The following SNTG1 variants were observed in gnomAD, a reference collection of about 807,000 sequenced individuals.
SNTG1 encodes syntrophin gamma 1, also known as gamma-1-syntrophin.
Under a neutral mutation model 74.7 loss-of-function variants are expected in SNTG1, and 39 were observed. The ratio of observed to expected loss-of-function variants is 0.52; its 90% CI spans 0.40 to 0.68. The LOEUF (loss-of-function observed/expected upper bound fraction) is 0.68. Ranked by LOEUF, SNTG1 falls within the 30% of genes least tolerant of loss-of-function variation. SNTG1 has a pLI of 0.00. For missense variants in SNTG1, 685 were observed against 609.5 expected (o/e 1.12, Z -1.30); for synonymous variants, 254 against 217.1 (o/e 1.17, Z -1.49).
intron 2 of SNTG1, among the ~76,000 whole-genome samples, chr8:50,244,590 C>T (rs963172678): frequency 6.6e-6 from 1 of 152,074 alleles, no homozygotes; most frequent in African/African-American, 2.4e-5. Flanking sequence ...TTTCTGTTTC[C>T]CTCAGGAGGA....
intron 8 of SNTG1, among the ~76,000 whole-genome samples, chr8:50,496,210 C>G (rs77959757): frequency 2.0e-5 from 3 of 152,112 alleles, no homozygotes; most frequent in Middle Eastern, 6.8e-3. Context: ...TCTAAGTGAC[C>G]GTTTTCCATC....
chr8:50,292,614 T>C (rs1039280731), intron 2 of SNTG1, among the ~76,000 whole-genome samples: 3 of 152,062 alleles, frequency 2.0e-5, no homozygotes, highest in Admixed American at 1.3e-4. Flanking sequence ...AGCAAAGGCA[T>C]GTGAAAGACA....
intron 8 of SNTG1, among the ~76,000 whole-genome samples, chr8:50,491,664 A>G (rs1199473027): frequency 6.6e-6 from 1 of 152,192 alleles, no homozygotes; most frequent in Non-Finnish European, 1.5e-5. Context: ...GGAGCCGCCC[A>G]TGCTGCAAAT....
At chr8:50,274,207 C>G (rs2087953656) in intron 2 of SNTG1, among the ~76,000 whole-genome samples, 1 of 151,964 alleles carries the variant, frequency 6.6e-6, no homozygotes. Flanking sequence ...CCACCTCAGC[C>G]CCCCTAGTAG....
chr8:50,132,402 C>A (rs1015292137), intron 1 of SNTG1, among the ~76,000 whole-genome samples: 20 of 152,034 alleles, frequency 1.3e-4, no homozygotes, highest in African/African-American at 4.8e-4. Context: ...TGTGACAAAA[C>A]CTCTCCACCT....
At position 50,313,872 on chromosome 8, in the gene SNTG1, C is replaced by T. The variant is rs534072056; in HGVS notation, c.-27-80340C>T. Among the ~76,000 whole-genome samples the T allele has an allele frequency of 1.8e-4, 27 of 149,990 alleles. 6 individuals are homozygous for T. Among genetic ancestry groups the T allele is most frequent in the African/African-American group, 6.5e-4 (26 of 40,310 alleles). ...AAAAGTAAGTTTTGACATCCTCTTACTTCTGCCTCAAATACTTCAGTGTGC... is the reference window on the plus strand; with the variant it reads ...AAAAGTAAGTTTTGACATCCTCTTATTTCTGCCTCAAATACTTCAGTGTGC... On this transcript the variant is annotated intron_variant, in intron 2 of 18. Transcript: ENST00000642720.
intron 12 of SNTG1, among the ~76,000 whole-genome samples, chr8:50,583,799 T>A (rs2094628218): frequency 6.6e-6 from 1 of 151,756 alleles, no homozygotes; most frequent in Non-Finnish European, 1.5e-5. Flanking sequence ...ATGCTTTAAG[T>A]TCTAGGGTAC....
intron 1 of SNTG1, among the ~76,000 whole-genome samples, chr8:50,101,783 C>T (rs530683021): frequency 0.016 from 2,489 of 151,980 alleles, 31 homozygotes; most frequent in Non-Finnish European, 0.024. Flanking sequence ...TGTTCAATTC[C>T]CACCTATGAG....
chr8:50,582,548 G>C (rs1033239503), intron 12 of SNTG1, among the ~76,000 whole-genome samples: 1 of 152,092 alleles, frequency 6.6e-6, no homozygotes, highest in Admixed American at 6.6e-5. Context: ...GTGTGGGTGT[G>C]TGTGTGTGTA....
At chr8:50,299,531 T>C (rs921380200) in intron 2 of SNTG1, among the ~76,000 whole-genome samples, 5 of 152,100 alleles carry the variant, frequency 3.3e-5, no homozygotes, top group African/African-American at 1.2e-4. Context: ...TAGTGCCAAA[T>C]TGAAATATTT....
Position 50,422,771 on chromosome 8 carries a change from A to T in SNTG1, c.163-15772A>T, listed in dbSNP as rs994195829. On this transcript the variant is annotated intron_variant, in intron 4 of 18. Transcript: ENST00000642720. ...AAAGACCAATCTTAGGTTTGACAAT[A>T]GTGATGTTATTTGCAGGAATGGCTA... 2.0e-5 allele frequency among the ~76,000 whole-genome samples: 3 copies of T among 152,248 alleles called. No homozygotes were observed. The East Asian group carries it at 5.8e-4, about 29-fold the overall frequency.
chr8:50,203,643 C>A (rs1324293114), intron 2 of SNTG1, among the ~76,000 whole-genome samples: 1 of 151,912 alleles, frequency 6.6e-6, no homozygotes, highest in East Asian at 1.9e-4. Flanking sequence ...TTTATTTGGG[C>A]ATTTGTAATG....
chr8:50,206,584 C>T (rs1481115890), intron 2 of SNTG1, among the ~76,000 whole-genome samples: 1 of 152,086 alleles, frequency 6.6e-6, no homozygotes, highest in East Asian at 1.9e-4. Flanking sequence ...ATTGCCCTGG[C>T]CAGAACTTCC....
At chr8:50,782,298 G>T (rs1212438616) in intron 18 of SNTG1, among the ~76,000 whole-genome samples, 3 of 152,214 alleles carry the variant, frequency 2.0e-5, no homozygotes, top group Non-Finnish European at 4.4e-5. Flanking sequence ...CCTGCAGAGT[G>T]TTTTCCAACT....
intron 1 of SNTG1, among the ~76,000 whole-genome samples, chr8:50,153,909 A>G (rs2082161693): frequency 6.6e-6 from 1 of 152,046 alleles, no homozygotes; most frequent in Admixed American, 6.6e-5. Context: ...CTGCTGGGAG[A>G]ACCACTACTC....
chr8:50,672,076 G>T (rs2095286443), intron 15 of SNTG1, among the ~76,000 whole-genome samples: 1 of 149,264 alleles, frequency 6.7e-6, no homozygotes, highest in Non-Finnish European at 1.5e-5. Context: ...GATAGCATTA[G>T]GAGATATATC....
intron 12 of SNTG1, among the ~76,000 whole-genome samples, chr8:50,577,464 T>G (rs1456233736): frequency 6.6e-6 from 1 of 151,476 alleles, no homozygotes; most frequent in Non-Finnish European, 1.5e-5. Context: ...TTTTTTTGTT[T>G]TTTTTTTTCT....
intron 12 of SNTG1, among the ~76,000 whole-genome samples, chr8:50,578,650 T>C (rs2094590614): frequency 6.6e-6 from 1 of 152,170 alleles, no homozygotes; most frequent in Non-Finnish European, 1.5e-5. Flanking sequence ...CTGTTCTCAT[T>C]ATAGCGAGTG....
intron 18 of SNTG1, chr8:50,762,696 C>A (rs541520973): frequency 2.3e-5 from 11 of 481,466 alleles, no homozygotes; most frequent in Non-Finnish European, 3.8e-5. Context: ...CCGAAGAGAC[C>A]ATGGAGATTA....
Sources: gnomAD v4.1 joint callset for allele counts (sites outside exome capture counted in the v4.1 genomes callset) on GRCh38, gnomAD v4.1.1 for gene constraint, MANE v1.5 for transcripts, NCBI Gene and HGNC (gene_info 2026-07-23, HGNC 2026-07-21) for gene names.